CDH13: variants seen among roughly 807,000 people sequenced by gnomAD.
CDH13 encodes cadherin-13.
CDH13 carries 24 observed loss-of-function variants against 63.8 expected under a neutral mutation model. That is an observed-to-expected ratio of 0.38 (90% confidence interval 0.27 to 0.53). CDH13 has a LOEUF of 0.53. Ranked by LOEUF, CDH13 falls within the 20% of genes least tolerant of loss-of-function variation. The pLI is 0.85. For synonymous variants in CDH13, 503 were observed against 355.3 expected, an observed-to-expected ratio of 1.42 and a Z score of -4.67; for missense variants, 1,049 against 903.1, an observed-to-expected ratio of 1.16 and a Z score of -2.07.
Position 83,119,124 on chromosome 16 carries a change from G to A in CDH13, c.367-6261G>A, listed in dbSNP as rs80045449. Among the ~76,000 whole-genome samples, 1,219 of 152,296 alleles carry A rather than the reference G, an allele frequency of 8.0e-3. 14 individuals are homozygous for A. The highest frequency in any genetic ancestry group is 0.028 in the African/African-American group (1,147 of 41,548). On this transcript the variant is annotated intron_variant, in intron 3 of 13. Coordinates refer to ENST00000567109, the MANE Select transcript of CDH13 (RefSeq NM_001257.5). ...TAGCAGCCTCCGTGATTTTGGAGGAGACCTCTGCCTTGTGTAACGTGGCTG... is the reference window on the plus strand; with the variant it reads ...TAGCAGCCTCCGTGATTTTGGAGGAAACCTCTGCCTTGTGTAACGTGGCTG...
intron 3 of CDH13, among the ~76,000 whole-genome samples, chr16:83,112,947 C>T (rs1344529370): frequency 1.3e-5 from 2 of 152,088 alleles, no homozygotes; most frequent in Non-Finnish European, 2.9e-5. Flanking sequence ...AGGAGGAAAA[C>T]ATGTGGAACT....
Position 83,678,201 on chromosome 16 carries a change from T to C in CDH13, c.1285-7T>C. On this transcript the variant is annotated splice_region_variant and splice_polypyrimidine_tract_variant and intron_variant, in intron 9 of 13. Coordinates refer to ENST00000567109, the MANE Select transcript of CDH13 (RefSeq NM_001257.5). ...TGCATCCTGAGACCCTTCTGTCTGCTTTCCAGCCATTGGACTATGAAATTT... is the reference window on the plus strand; with the variant it reads ...TGCATCCTGAGACCCTTCTGTCTGCCTTCCAGCCATTGGACTATGAAATTT... The C allele has an allele frequency of 6.2e-7, 1 of 1,607,486 alleles. No homozygotes were observed. Among genetic ancestry groups the C allele is most frequent in the Middle Eastern group, 1.7e-4 (1 of 6,048 alleles).
At chr16:83,003,389 T>G (rs531754360) in intron 2 of CDH13, among the ~76,000 whole-genome samples, 324 of 142,244 alleles carry the variant, frequency 2.3e-3, no homozygotes, top group Middle Eastern at 3.5e-3. Context: ...CTTAAGTGGG[T>G]TTTTTTTTTT....
At chr16:83,347,467 A>G (rs779806220) in intron 6 of CDH13, among the ~76,000 whole-genome samples, 2 of 152,146 alleles carry the variant, frequency 1.3e-5, no homozygotes, top group East Asian at 3.9e-4. Flanking sequence ...CCTGCCTTCA[A>G]ATCATATGCT....
At chr16:83,181,004 A>C in intron 4 of CDH13, 1 of 1,525,730 alleles carries the variant, frequency 6.6e-7, no homozygotes, top group South Asian at 1.2e-5. Flanking sequence ...GGAATAAATC[A>C]CAAACATTTT....
intron 3 of CDH13, among the ~76,000 whole-genome samples, chr16:83,123,110 T>C (rs1597376044): frequency 6.6e-6 from 1 of 152,274 alleles, no homozygotes; most frequent in East Asian, 1.9e-4. Context: ...TTTTATTCTT[T>C]TTTTAGGCTT....
intron 4 of CDH13, among the ~76,000 whole-genome samples, chr16:83,190,222 G>T (rs1303862928): frequency 6.6e-6 from 1 of 152,158 alleles, no homozygotes; most frequent in Non-Finnish European, 1.5e-5. Flanking sequence ...GTTCCGCTTG[G>T]CTAGAAGTAC....
chr16:83,447,006 A>G (rs77656772), intron 6 of CDH13, among the ~76,000 whole-genome samples: 1 of 148,278 alleles, frequency 6.7e-6, no homozygotes, highest in Admixed American at 6.7e-5. Flanking sequence ...GTTAAGAAGT[A>G]AGGAAATGAT....
At chr16:83,081,080 C>T (rs1175340342) in intron 3 of CDH13, among the ~76,000 whole-genome samples, 2 of 151,604 alleles carry the variant, frequency 1.3e-5, no homozygotes, top group South Asian at 2.1e-4. Context: ...GGGGTTTCTC[C>T]ATGTTGGTCA....
chr16:83,632,935 C>A (rs1910913321), intron 8 of CDH13, among the ~76,000 whole-genome samples: 1 of 151,538 alleles, frequency 6.6e-6, no homozygotes, highest in Admixed American at 6.6e-5. Flanking sequence ...CCCTTTTAGA[C>A]CATATAGGTA....
intron 3 of CDH13, among the ~76,000 whole-genome samples, chr16:83,056,230 C>A (rs745638688): frequency 1.2e-4 from 19 of 152,098 alleles, no homozygotes; most frequent in African/African-American, 4.6e-4. Flanking sequence ...ATAGCAAGGA[C>A]GTGTGGCAAT....
At chr16:83,019,597 G>C (rs1915147858) in intron 2 of CDH13, among the ~76,000 whole-genome samples, 2 of 150,078 alleles carry the variant, frequency 1.3e-5, no homozygotes, top group Non-Finnish European at 3.0e-5. Flanking sequence ...CTGGGTTCAA[G>C]TGATCCTCCT....
intron 1 of CDH13, among the ~76,000 whole-genome samples, chr16:82,839,584 T>C (rs1315716632): frequency 2.0e-5 from 3 of 152,216 alleles, no homozygotes; most frequent in Non-Finnish European, 4.4e-5. Context: ...ACCTTCATTC[T>C]GGCCCTCAGT....
Position 83,112,925 on chromosome 16 carries a change from C to A in CDH13, c.367-12460C>A, listed in dbSNP as rs189415871. Among the ~76,000 whole-genome samples the A allele has an allele frequency of 1.8e-4, 27 of 152,240 alleles. No individual in the cohort carries two copies. In the East Asian group the frequency reaches 2.9e-3, roughly 16 times the overall value. ...AACTTTAAGACCGGCTTATAAATTA[C>A]AGCACTTATAAAGGAGGAAAACATG... is the stretch of plus-strand genomic sequence containing the variant. On this transcript the variant is annotated intron_variant, in intron 3 of 13. Transcript: ENST00000567109.
At chr16:82,957,465 A>G (rs570964610) in intron 2 of CDH13, among the ~76,000 whole-genome samples, 1 of 152,328 alleles carries the variant, frequency 6.6e-6, no homozygotes, top group Admixed American at 6.5e-5. Flanking sequence ...AGATAGATAA[A>G]GGCCACTAGT....
chr16:83,064,092 C>G (rs1405506543), intron 3 of CDH13, among the ~76,000 whole-genome samples: 1 of 151,990 alleles, frequency 6.6e-6, no homozygotes, highest in East Asian at 1.9e-4. Flanking sequence ...AGATGAGGGC[C>G]AGGTGCGGTG....
intron 2 of CDH13, among the ~76,000 whole-genome samples, chr16:82,974,557 T>TTGGCAAAA (rs1242879266): frequency 6.6e-5 from 10 of 152,252 alleles, no homozygotes; most frequent in African/African-American, 2.4e-4. Context: ...TATGTGACCT[T>TTGGCAAAA]GGGTGGCAAA....
chr16:82,882,871 A>G (rs2040754605), intron 2 of CDH13, among the ~76,000 whole-genome samples: 1 of 152,168 alleles, frequency 6.6e-6, no homozygotes. Flanking sequence ...GGAGAAAAAA[A>G]GGATACTATG....
At chr16:83,348,831 G>A (rs1175403657) in intron 6 of CDH13, among the ~76,000 whole-genome samples, 1 of 152,188 alleles carries the variant, frequency 6.6e-6, no homozygotes, top group Non-Finnish European at 1.5e-5. Context: ...AGTGCTTAGG[G>A]AACAGTAAAT....
Sources: allele counts gnomAD v4.1 joint callset (sites outside exome capture counted in the v4.1 genomes callset), GRCh38; gene constraint gnomAD v4.1.1; transcripts MANE v1.5; gene names NCBI Gene and HGNC (gene_info 2026-07-23, HGNC 2026-07-21).